The following ROBO2 variants were observed in gnomAD, a reference collection of about 807,000 sequenced individuals.
The protein encoded by ROBO2 is roundabout guidance receptor 2, also known as roundabout homolog 2.
A neutral mutation model predicts 160.8 loss-of-function variants in ROBO2; 53 were observed. That is an observed-to-expected ratio of 0.33 (90% CI 0.26 to 0.41). The LOEUF is 0.41. Among genes scored for constraint, ROBO2 ranks in the 10% least tolerant of loss-of-function variants. The pLI, the probability that ROBO2 is intolerant of heterozygous loss-of-function variation, is 1.00. For missense variants in ROBO2, 1,577 were observed against 1,722.4 expected (o/e 0.92, Z 1.49); for synonymous variants, 664 against 611.7 (o/e 1.09, Z -1.26).
rs185282790 is a variant in ROBO2 at position 76,719,663 on chromosome 3, C to T, written c.110-378351C>T. Among the ~76,000 whole-genome samples the T allele has an allele frequency of 8.3e-3, 1,262 of 152,238 alleles. 15 individuals are homozygous for T. Among genetic ancestry groups the T allele is most frequent in the African/African-American group, 0.029 (1,198 of 41,556 alleles). On this transcript the variant is annotated intron_variant, in intron 2 of 26. Coordinates refer to the ROBO2 transcript ENST00000487694. The stretch of plus-strand genomic sequence containing the variant: ...CTTTGGGAGGCCGAGGCGGGTGGAT[C>T]GCCTGAGGTCAGGAGTTTGAGACCA...
intron 2 of ROBO2, among the ~76,000 whole-genome samples, chr3:76,297,205 A>C (rs1709118748): frequency 1.3e-5 from 2 of 152,210 alleles, no homozygotes; most frequent in African/African-American, 4.8e-5. Context: ...CTCTCCTTTT[A>C]CAGATAAGGA....
intron 2 of ROBO2, among the ~76,000 whole-genome samples, chr3:77,163,813 T>C (rs1026344556): frequency 2.6e-5 from 4 of 152,150 alleles, no homozygotes; most frequent in Admixed American, 2.6e-4. Context: ...ACTGTTACTT[T>C]TTTTAAAAAA....
At chr3:76,274,745 A>G (rs999916475) in intron 2 of ROBO2, among the ~76,000 whole-genome samples, 4 of 151,586 alleles carry the variant, frequency 2.6e-5, no homozygotes, top group Non-Finnish European at 5.9e-5. Context: ...GGCTGAGGCA[A>G]GAGAATGGCT....
At chr3:77,526,230 C>A (rs1288643006) in intron 6 of ROBO2, among the ~76,000 whole-genome samples, 1 of 151,398 alleles carries the variant, frequency 6.6e-6, no homozygotes, top group East Asian at 1.9e-4. Context: ...TATTATAAGA[C>A]CATGGCTCTC....
rs981452900 is a variant in ROBO2 at position 75,965,866 on chromosome 3, A to T, written c.109+28264A>T. ...TCATGAAATATACAGTAACAAGGAA[A>T]GAAATTAATATATTAAAGTATCTTA... On this transcript the variant is annotated intron_variant, in intron 2 of 26. Transcript: ENST00000487694. Among the ~76,000 whole-genome samples, 146 of 151,856 alleles carry T rather than the reference A, an allele frequency of 9.6e-4. 1 individual carries two copies. The Middle Eastern group carries it at 0.01, about 11-fold the overall frequency.
chr3:77,120,508 G>C (rs939408900), intron 2 of ROBO2, among the ~76,000 whole-genome samples: 3 of 152,090 alleles, frequency 2.0e-5, no homozygotes, highest in Non-Finnish European at 2.9e-5. Context: ...TTTTAAATGT[G>C]GAGTAGCTGC....
chr3:75,938,074 G>T (rs1382791266), intron 2 of ROBO2, among the ~76,000 whole-genome samples: 1 of 151,660 alleles, frequency 6.6e-6, no homozygotes, highest in Non-Finnish European at 1.5e-5. Flanking sequence ...ATTCTTAAAG[G>T]ATGTGATGTT....
intron 17 of ROBO2, among the ~76,000 whole-genome samples, chr3:77,592,516 TA>T (rs1421854402): frequency 6.6e-6 from 1 of 151,980 alleles, no homozygotes; most frequent in Non-Finnish European, 1.5e-5. Flanking sequence ...GTTTGCAAAT[TA>T]ACTTTAATGC....
At chr3:76,834,062 T>TCTGC in intron 2 of ROBO2, among the ~76,000 whole-genome samples, 3 of 88,086 alleles carry the variant, frequency 3.4e-5, no homozygotes, top group African/African-American at 1.4e-4. Flanking sequence ...CCTTTCTTTC[T>TCTGC]TTTCTTTCTT....
intron 2 of ROBO2, among the ~76,000 whole-genome samples, chr3:76,062,262 A>G (rs1263149989): frequency 6.6e-6 from 1 of 152,206 alleles, no homozygotes; most frequent in Non-Finnish European, 1.5e-5. Context: ...TTAAATATTA[A>G]TAAGATAATC....
At chr3:75,999,965 T>C (rs937851195) in intron 2 of ROBO2, among the ~76,000 whole-genome samples, 4 of 152,190 alleles carry the variant, frequency 2.6e-5, no homozygotes, top group Non-Finnish European at 5.9e-5. Context: ...CATTGTCAAT[T>C]CTTTAATAAA....
intron 2 of ROBO2, among the ~76,000 whole-genome samples, chr3:76,024,794 T>G (rs536946305): frequency 5.5e-4 from 83 of 151,758 alleles, no homozygotes; most frequent in African/African-American, 1.4e-3. Flanking sequence ...ATTGTTTTCC[T>G]CTTTGTATTG....
chr3:76,193,977 T>C (rs988779525), intron 2 of ROBO2, among the ~76,000 whole-genome samples: 1 of 152,074 alleles, frequency 6.6e-6, no homozygotes, highest in Non-Finnish European at 1.5e-5. Context: ...AAATAAACAG[T>C]TCAAGTTCTC....
chr3:77,064,107 G>T (rs1388235746), intron 1 of ROBO2, among the ~76,000 whole-genome samples: 1 of 152,068 alleles, frequency 6.6e-6, no homozygotes, highest in Non-Finnish European at 1.5e-5. Context: ...AAAGGTAAAT[G>T]CTTGTGTTCA....
At chr3:76,511,919 A>G (rs1022475342) in intron 2 of ROBO2, among the ~76,000 whole-genome samples, 1 of 152,184 alleles carries the variant, frequency 6.6e-6, no homozygotes, top group Non-Finnish European at 1.5e-5. Context: ...CCTGATTGTG[A>G]AATAGCCAAA....
chr3:77,169,224 T>C (rs1360777917), intron 2 of ROBO2, among the ~76,000 whole-genome samples: 1 of 152,242 alleles, frequency 6.6e-6, no homozygotes, highest in Non-Finnish European at 1.5e-5. Flanking sequence ...AAGTGATTAT[T>C]TAACATTGTG....
intron 2 of ROBO2, among the ~76,000 whole-genome samples, chr3:77,282,544 A>T (rs184228185): frequency 1.2e-3 from 178 of 152,156 alleles, no homozygotes; most frequent in Middle Eastern, 0.01. Context: ...TTCTCTCTGT[A>T]AATAGAAGTA....
At chr3:76,835,406 TATATA>T (rs1360413854) in intron 2 of ROBO2, among the ~76,000 whole-genome samples, 2 of 147,132 alleles carry the variant, frequency 1.4e-5, no homozygotes, top group East Asian at 2.0e-4. Context: ...TATATAATAA[TATATA>T]ATATATATAA....
chr3:77,003,924 G>T (rs997272539), intron 2 of ROBO2, among the ~76,000 whole-genome samples: 1 of 152,082 alleles, frequency 6.6e-6, no homozygotes, highest in African/African-American at 2.4e-5. Context: ...CTCTGCCTGG[G>T]ATTTATCTAG....
Sources: gnomAD v4.1 joint callset for allele counts (sites outside exome capture counted in the v4.1 genomes callset) on GRCh38, gnomAD v4.1.1 for gene constraint, MANE v1.5 for transcripts, NCBI Gene and HGNC (gene_info 2026-07-23, HGNC 2026-07-21) for gene names.